GUCY1B1: variants seen among roughly 807,000 people sequenced by gnomAD.
The protein encoded by GUCY1B1 is guanylate cyclase soluble subunit beta-1.
Under a neutral mutation model 71.0 loss-of-function variants are expected in GUCY1B1, and 43 were observed. That is an observed-to-expected ratio of 0.61 (90% CI 0.47 to 0.78). The LOEUF is 0.78. GUCY1B1 is among the 30% of genes least tolerant of loss of function. The pLI, the probability that GUCY1B1 is intolerant of heterozygous loss-of-function variation, is 0.00. For missense variants in GUCY1B1, 535 were observed against 754.1 expected (o/e 0.71, Z 3.40); for synonymous variants, 266 against 259.7 (o/e 1.02, Z -0.23).
At chr4:155,776,535 T>C (rs1429866531) in intron 3 of GUCY1B1, among the ~76,000 whole-genome samples, 1 of 151,940 alleles carries the variant, frequency 6.6e-6, no homozygotes, top group African/African-American at 2.4e-5. Flanking sequence ...CCAGGTGTGG[T>C]GGTGGGTTCC....
At chr4:155,765,196 A>G (rs1352198420) in intron 2 of GUCY1B1, among the ~76,000 whole-genome samples, 1 of 152,202 alleles carries the variant, frequency 6.6e-6, no homozygotes, top group Non-Finnish European at 1.5e-5. Context: ...TTGCAAGAAC[A>G]AAGTCCTTTC....
intron 2 of GUCY1B1, 85 bp downstream of exon 2, chr4:155,759,945 T>C: frequency 2.0e-6 from 2 of 990,440 alleles, no homozygotes; most frequent in Non-Finnish European, 3.1e-6. Flanking sequence ...CTCAGCCTGC[T>C]GGCCGGGTCG....
chr4:155,759,292 C>A, intron 1 of GUCY1B1, 149 bp downstream of exon 1: 2 of 738,914 alleles, frequency 2.7e-6, no homozygotes, highest in Non-Finnish European at 4.3e-6. Flanking sequence ...TTGCCCGCGC[C>A]CAGTCAGGGG....
chr4:155,795,649 T>C lies in GUCY1B1; in HGVS notation c.843+192T>C, dbSNP rs74879496. ...GGAGCAGTGGAACTCTATCAACTGA[T>C]TAAAATTAACAGAGGTAAATTTTAG... is the stretch of plus-strand genomic sequence containing the variant. On this transcript the variant is annotated intron_variant, in intron 7 of 13. Transcript: ENST00000264424. Among the ~76,000 whole-genome samples, 1,199 of 152,300 alleles carry C rather than the reference T, an allele frequency of 7.9e-3. 9 individuals carry two copies. The highest frequency in any genetic ancestry group is 0.012 in the Non-Finnish European group (828 of 68,024).
chr4:155,778,927 T>C (rs550151447), intron 4 of GUCY1B1, among the ~76,000 whole-genome samples: 8 of 152,284 alleles, frequency 5.3e-5, no homozygotes, highest in African/African-American at 1.9e-4. Flanking sequence ...TCAATGCCCA[T>C]GTTTACATAA....
At chr4:155,800,707 T>C (rs1319137787) in intron 9 of GUCY1B1, among the ~76,000 whole-genome samples, 1 of 152,208 alleles carries the variant, frequency 6.6e-6, no homozygotes, top group African/African-American at 2.4e-5. Flanking sequence ...TCAAGAAATG[T>C]ATTTAAGTAA....
At chr4:155,768,632 A>T (rs1737506502) in intron 2 of GUCY1B1, among the ~76,000 whole-genome samples, 1 of 152,160 alleles carries the variant, frequency 6.6e-6, no homozygotes, top group African/African-American at 2.4e-5. Context: ...TAAAGAAAAA[A>T]ATCCCAACTT....
intron 2 of GUCY1B1, among the ~76,000 whole-genome samples, chr4:155,766,296 A>T (rs188453058): frequency 5.9e-5 from 9 of 152,322 alleles, no homozygotes; most frequent in Non-Finnish European, 8.8e-5. Context: ...TCCAAGATTT[A>T]TTGAGATATA....
intron 2 of GUCY1B1, among the ~76,000 whole-genome samples, chr4:155,768,152 G>C (rs1255432280): frequency 2.0e-5 from 3 of 152,064 alleles, no homozygotes; most frequent in Non-Finnish European, 4.4e-5. Context: ...CTGTGTTCAG[G>C]CTCTCCCATT....
rs1301550121 is a variant in GUCY1B1 at position 155,759,779 on chromosome 4, C to T, written c.4-8C>T. On this transcript the variant is annotated splice_region_variant and splice_polypyrimidine_tract_variant and intron_variant, in intron 1 of 13. Transcript: ENST00000264424. ...CCCTGACGCTCAAGTCTCTCCCTGTCCCCGCAGTACGGATTTGTGAATCAC... is the reference window on the plus strand; with the variant it reads ...CCCTGACGCTCAAGTCTCTCCCTGTTCCCGCAGTACGGATTTGTGAATCAC... 1 of 1,608,706 alleles carries T rather than the reference C, an allele frequency of 6.2e-7. No individual in the cohort carries two copies. The highest frequency in any genetic ancestry group is 1.1e-5 in the South Asian group (1 of 90,964).
intron 2 of GUCY1B1, among the ~76,000 whole-genome samples, chr4:155,765,536 G>A (rs1380551979): frequency 6.6e-6 from 1 of 152,164 alleles, no homozygotes; most frequent in Admixed American, 6.5e-5. Context: ...AGTTAAAGTG[G>A]ATTTTATTCC....
chr4:155,782,576 C>T (rs1023573346), intron 4 of GUCY1B1, among the ~76,000 whole-genome samples: 1 of 152,166 alleles, frequency 6.6e-6, no homozygotes, highest in Non-Finnish European at 1.5e-5. Flanking sequence ...TCTATTTTCC[C>T]TAAATTACTG....
chr4:155,765,271 A>G (rs1560999995), intron 2 of GUCY1B1, among the ~76,000 whole-genome samples: 1 of 152,146 alleles, frequency 6.6e-6, no homozygotes, highest in Non-Finnish European at 1.5e-5. Flanking sequence ...GTGTTGGAAA[A>G]CTATAGTTAT....
intron 9 of GUCY1B1, 79 bp downstream of exon 9, chr4:155,800,153 C>A: frequency 1.1e-6 from 1 of 933,330 alleles, no homozygotes; most frequent in Non-Finnish European, 1.6e-6. Flanking sequence ...GAGAACCAGA[C>A]TAAAAAGCCA....
At chr4:155,769,773 G>T (rs909014537) in intron 2 of GUCY1B1, among the ~76,000 whole-genome samples, 4 of 152,004 alleles carry the variant, frequency 2.6e-5, no homozygotes, top group African/African-American at 9.7e-5. Flanking sequence ...ATCTTAAATT[G>T]TGGTTCTCAG....
At chr4:155,766,832 T>C (rs1185636906) in intron 2 of GUCY1B1, among the ~76,000 whole-genome samples, 1 of 152,192 alleles carries the variant, frequency 6.6e-6, no homozygotes, top group Non-Finnish European at 1.5e-5. Flanking sequence ...GTGTTTAGAA[T>C]ACTGAAATTA....
In GUCY1B1 at chr4:155,799,941, G is replaced by A; in HGVS notation, c.1042G>A (p.Ala348Thr). Residue 348 changes from alanine (A) to threonine (T), a missense_variant, in exon 9 of 14, where the codon GCC becomes ACC. Physicochemically the swap from Ala to Thr is moderately conservative, Grantham distance 58. Coordinates refer to ENST00000264424, the MANE Select transcript of GUCY1B1 (RefSeq NM_000857.5). ...LYLSDIPLHD[A>T]TRDLVLLGEQ... is the part of the protein sequence containing the mutation. The stretch of plus-strand genomic sequence containing the variant: ...TCTAAGTGACATCCCTCTGCATGAT[G>A]CCACGCGCGATCTTGTTCTTTTGGG... The A allele has an allele frequency of 1.9e-6, 3 of 1,613,348 alleles. No homozygotes were observed. The highest frequency in any genetic ancestry group is 2.5e-6 in the Non-Finnish European group (3 of 1,179,372).
At position 155,802,077 on chromosome 4, in the gene GUCY1B1, T is replaced by C. The variant is rs905187269; in HGVS notation, c.1176-265T>C. The C allele has an allele frequency of 4.6e-6, 3 of 651,090 alleles. No individual in the cohort carries two copies. Among genetic ancestry groups the C allele is most frequent in the Admixed American group, 6.3e-5 (2 of 31,786 alleles). 40.3% of individuals were successfully genotyped at this position (651,090 alleles called of 1,614,324 possible). On this transcript the variant is annotated intron_variant, in intron 9 of 13. Transcript: ENST00000264424. This position sits in a 1 kb window ranked among gnomAD's most constrained non-coding sequence, Gnocchi z 4.3. ...ATTACCAGTCTTTTTGTTTTGTCTGTTTGCTTGGCTTATTTTGATTTGGTT... is the reference window on the plus strand; with the variant it reads ...ATTACCAGTCTTTTTGTTTTGTCTGCTTGCTTGGCTTATTTTGATTTGGTT...
chr4:155,799,113 G>A (rs184344525), intron 8 of GUCY1B1, among the ~76,000 whole-genome samples: 1 of 152,292 alleles, frequency 6.6e-6, no homozygotes, highest in East Asian at 1.9e-4. Context: ...TAGGATTACA[G>A]ATGTGAGCCA....
Sources: gnomAD v4.1 joint callset for allele counts (sites outside exome capture counted in the v4.1 genomes callset) on GRCh38, gnomAD v4.1.1 for gene constraint, Gnocchi (gnomAD v3.1) non-coding constraint, MANE v1.5 for transcripts, NCBI Gene and HGNC (gene_info 2026-07-23, HGNC 2026-07-21) for gene names.